ZNF253: variants seen among roughly 807,000 people sequenced by gnomAD.
The protein encoded by ZNF253 is DNA-binding protein.
ZNF253 carries 8 observed loss-of-function variants against 11.9 expected under a neutral mutation model. That is an observed-to-expected ratio of 0.67 (90% confidence interval 0.40 to 1.22). The LOEUF (loss-of-function observed/expected upper bound fraction) is 1.22. Among genes scored for constraint, ZNF253 ranks in the 50% most tolerant of loss-of-function variants. The pLI is 0.01. For synonymous variants in ZNF253, 194 were observed against 194.9 expected, an observed-to-expected ratio of 1.00 and a Z score of 0.04; for missense variants, 485 against 586.9, an observed-to-expected ratio of 0.83 and a Z score of 1.79.
rs1304944393 is a variant in ZNF253 at position 19,891,935 on chromosome 19, T to G, written c.688T>G (p.Cys230Gly). The G allele has an allele frequency of 1.9e-6, 3 of 1,613,788 alleles. No individual in the cohort carries two copies. The highest frequency in any genetic ancestry group is 3.3e-5 in the Admixed American group (2 of 59,978). ...RIHTGEKPYRCEECGKAFKQS... is the reference protein window; with the variant it reads ...RIHTGEKPYRGEECGKAFKQS... ...TCATACCGGAGAGAAACCCTACAGA[T>G]GTGAAGAATGTGGCAAAGCCTTTAA... Residue 230 changes from cysteine to glycine, a missense_variant, in exon 4 of 4, where the codon TGT becomes GGT. By Grantham distance (159) the Cys-to-Gly change is radical. Coordinates refer to ENST00000589717, the MANE Select transcript of ZNF253 (RefSeq NM_021047.3).
At chr19:19,877,387 T>TC (rs2063160051) in intron 1 of ZNF253, among the ~76,000 whole-genome samples, 1 of 152,040 alleles carries the variant, frequency 6.6e-6, no homozygotes, top group Admixed American at 6.6e-5. Context: ...CTTCTTTTTT[T>TC]TTTTTTAAGA....
intron 1 of ZNF253, among the ~76,000 whole-genome samples, chr19:19,868,006 G>C (rs1483650655): frequency 6.6e-6 from 1 of 150,740 alleles, no homozygotes; most frequent in Non-Finnish European, 1.5e-5. Context: ...CTTTTGAAAA[G>C]CATCTATTCA....
intron 3 of ZNF253, among the ~76,000 whole-genome samples, chr19:19,885,233 T>TTC (rs1313405438): frequency 1.9e-5 from 1 of 52,898 alleles, no homozygotes. Flanking sequence ...CTTTCTTTCT[T>TTC]TCTTTCTTTC....
intron 3 of ZNF253, among the ~76,000 whole-genome samples, chr19:19,885,467 T>C (rs994405765): frequency 2.0e-5 from 3 of 151,540 alleles, no homozygotes; most frequent in African/African-American, 7.3e-5. Flanking sequence ...CTCAGCTCAC[T>C]GCAAGCTCTG....
At chr19:19,880,023 T>C (rs2063170687) in intron 2 of ZNF253, 28 bp from the exon 3 acceptor site, 2 of 1,555,190 alleles carry the variant, frequency 1.3e-6, no homozygotes, top group Non-Finnish European at 1.8e-6. Flanking sequence ...ATGAGCAAGA[T>C]TCATGTTATT....
intron 1 of ZNF253, 51 bp downstream of exon 1, chr19:19,866,050 G>A (rs750228927): frequency 1.2e-6 from 2 of 1,613,344 alleles, no homozygotes; most frequent in Non-Finnish European, 8.5e-7. Flanking sequence ...GTTTGGAACG[G>A]TGGGAAGTGG....
rs57408628 is a variant in ZNF253, at chr19:19,882,192, T to TA, written c.226+2060dup. On this transcript the variant is annotated intron_variant, in intron 3 of 3. Transcript: ENST00000589717. The stretch of plus-strand genomic sequence containing the variant: ...CAACAAGAGCGAAACTCCGTCTCAA[T>TA]AAAAAAAAAAAAAAGAAGAAGAAGA... Among the ~76,000 whole-genome samples, 278 of 135,992 alleles carry TA rather than the reference T, an allele frequency of 2.0e-3. 1 individual carries two copies. Among genetic ancestry groups the TA allele is most frequent in the South Asian group, 0.02 (85 of 4,302 alleles). 89.2% of individuals were successfully genotyped at this position (135,992 alleles called of 152,430 possible).
At chr19:19,885,338 CTTTCTTTCTTTCTTTCTTCCTTTCTTTT>C (rs2063200776) in intron 3 of ZNF253, among the ~76,000 whole-genome samples, 1 of 66,070 alleles carries the variant, frequency 1.5e-5, no homozygotes, top group Non-Finnish European at 2.4e-5. Flanking sequence ...TTCTTTCTTT[CTTTCTTTCTTTCTTTCTTCCTTTCTTTT>C]CTTTCTTTTC....
At chr19:19,874,432 A>C (rs1000106540) in intron 1 of ZNF253, among the ~76,000 whole-genome samples, 50 of 152,204 alleles carry the variant, frequency 3.3e-4, no homozygotes, top group African/African-American at 1.1e-3. Flanking sequence ...GATGAGTCAA[A>C]AGAACAGCTT....
rs749481807 is a variant in ZNF253 at position 19,892,351 on chromosome 19, C to A, written c.1104C>A (p.Tyr368Ter). ...HKILHTGEKP[Y>*]RCRECGKAFN... ...TACTTCATACTGGAGAGAAACCCTA[C>A]AGATGTAGAGAATGTGGCAAAGCTT... The change falls in exon 4 of 4, where the codon TAC becomes TAA. Residue 368 changes from tyrosine to a stop codon, truncating the protein, a stop_gained. Transcript: ENST00000589717. LOFTEE classifies it low-confidence loss of function (END_TRUNC). 12 of 1,613,908 alleles carry A rather than the reference C, an allele frequency of 7.4e-6. No homozygotes were observed. The highest frequency in any genetic ancestry group is 1.0e-5 in the Non-Finnish European group (12 of 1,179,958).
chr19:19,881,001 A>G (rs2063175828), intron 3 of ZNF253, among the ~76,000 whole-genome samples: 1 of 152,100 alleles, frequency 6.6e-6, no homozygotes, highest in Non-Finnish European at 1.5e-5. Flanking sequence ...TTGGCTATTC[A>G]AAGTTTATTT....
At chr19:19,891,336 C>G in intron 3 of ZNF253, 138 bp from the exon 4 acceptor site, 1 of 704,622 alleles carries the variant, frequency 1.4e-6, no homozygotes, top group Non-Finnish European at 2.3e-6. Context: ...TTTATGTGTC[C>G]AGGAAGAAAT....
In ZNF253 at chr19:19,891,536, G is replaced by T. The variant is rs1213928370; in HGVS notation, c.289G>T (p.Gly97Trp). The change falls in exon 4 of 4, where the codon GGG (glycine) becomes TGG (tryptophan). Residue 97 changes from glycine (G) to tryptophan (W), a missense_variant. Around this residue, in one of 3 missense-constraint regions of ZNF253, gnomAD observed 218 missense variants for 213.1 expected, o/e 1.02. Transcript: ENST00000589717. ...GAACATACAAAATTCTTTCCAAATAGGGATGCTGAGAAGATATGAAGAATG... is the reference window on the plus strand; with the variant it reads ...GAACATACAAAATTCTTTCCAAATATGGATGCTGAGAAGATATGAAGAATG... ...PENIQNSFQI[G>W]MLRRYEECRH... 3 of 1,613,362 alleles carry T rather than the reference G, an allele frequency of 1.9e-6. No homozygotes were observed. The African/African-American group carries it at 4.0e-5, about 22-fold the overall frequency.
rs182870871 is a variant in ZNF253, at chr19:19,891,916, C to A, written c.669C>A (p.Thr223=). The change falls in exon 4 of 4, where the codon ACC becomes ACA. Residue 223 remains threonine (T), a synonymous_variant. Transcript: ENST00000589717. ...TTACTACACATAAGAGAATTCATACCGGAGAGAAACCCTACAGATGTGAAG... is the reference window on the plus strand; with the variant it reads ...TTACTACACATAAGAGAATTCATACAGGAGAGAAACCCTACAGATGTGAAG... The part of the protein sequence containing the change: ...ANLTTHKRIH[T]GEKPYRCEEC... 1 of 1,602,024 alleles carries A rather than the reference C, an allele frequency of 6.2e-7. No homozygotes were observed. Among genetic ancestry groups the A allele is most frequent in the East Asian group, 2.3e-5 (1 of 44,286 alleles).
intron 1 of ZNF253, among the ~76,000 whole-genome samples, chr19:19,876,102 G>A (rs1302927464): frequency 7.0e-6 from 1 of 142,936 alleles, no homozygotes; most frequent in Non-Finnish European, 1.6e-5. Flanking sequence ...GAAGTATTTG[G>A]TTGTGACAAG....
At chr19:19,889,359 T>C (rs2063219606) in intron 3 of ZNF253, among the ~76,000 whole-genome samples, 1 of 152,184 alleles carries the variant, frequency 6.6e-6, no homozygotes, top group Non-Finnish European at 1.5e-5. Context: ...AATTTATTTA[T>C]TTTCTGAGAC....
Position 19,871,621 on chromosome 19 carries a change from T to TA in ZNF253, c.3+5623dup, listed in dbSNP as rs540868320. On this transcript the variant is annotated intron_variant, in intron 1 of 3. Coordinates refer to ENST00000589717, the MANE Select transcript of ZNF253 (RefSeq NM_021047.3). ...TGTCATTGAATATAAGCAATTAACA[T>TA]ACACAGATGGCCTCTTCAATCTCCA... 7.2e-4 allele frequency among the ~76,000 whole-genome samples: 109 copies of TA among 152,268 alleles called. 1 individual carries two copies. Among genetic ancestry groups the TA allele is most frequent in the African/African-American group, 2.5e-3 (104 of 41,512 alleles).
rs1366238661 is a variant in ZNF253, at chr19:19,891,736, G to A, written c.489G>A (p.Lys163=). 3 of 1,614,066 alleles carry A rather than the reference G, an allele frequency of 1.9e-6. No individual in the cohort carries two copies. Among genetic ancestry groups the A allele is most frequent in the Non-Finnish European group, 2.5e-6 (3 of 1,179,984 alleles). ...AGTTTTCAAATTCAAACACATATAA[G>A]ACAAGACATACTGGAATAAATCTTT... ...FHKFSNSNTY[K]TRHTGINLFK... The change falls in exon 4 of 4, where the codon AAG becomes AAA. Residue 163 remains lysine, a synonymous_variant. Coordinates refer to ENST00000589717, the MANE Select transcript of ZNF253 (RefSeq NM_021047.3).
chr19:19,873,994 G>A (rs934796081), intron 1 of ZNF253, among the ~76,000 whole-genome samples: 7 of 152,004 alleles, frequency 4.6e-5, no homozygotes, highest in Non-Finnish European at 8.8e-5. Context: ...CTGAAACCTC[G>A]GCCTCCCGGG....
Sources: gnomAD v4.1 joint callset for allele counts (sites outside exome capture counted in the v4.1 genomes callset) on GRCh38, gnomAD v4.1.1 for gene constraint, gnomAD v4.1.1 regional missense constraint, MANE v1.5 for transcripts, NCBI Gene and HGNC (gene_info 2026-07-23, HGNC 2026-07-21) for gene names.